The following RELN variants were observed in gnomAD, a reference collection of about 807,000 sequenced individuals.
RELN encodes reelin.
RELN carries 108 observed loss-of-function variants against 427.6 expected under a neutral mutation model. The observed-to-expected ratio is 0.25, with a 90% CI of 0.22 to 0.30. The LOEUF (loss-of-function observed/expected upper bound fraction) is 0.30, where lower values mean the gene tolerates loss of function less well. Ranked by LOEUF, RELN falls within the 10% of genes least tolerant of loss-of-function variation. The probability of loss-of-function intolerance (pLI) is 1.00; values close to 1 mark genes in which losing one functional copy is unlikely to be tolerated. For missense variants in RELN, 3,715 were observed against 4,302.8 expected, an observed-to-expected ratio of 0.86 and a Z score of 3.82; for synonymous variants, 1,524 against 1,513.4, an observed-to-expected ratio of 1.01 and a Z score of -0.16.
Position 103,553,653 on chromosome 7 carries a change from T to C in RELN, c.5969+7A>G. On this transcript the variant is annotated splice_region_variant and intron_variant, in intron 39 of 64. Transcript: ENST00000428762. ...AGTGGTTTTATTTTTAGATTCTTAA[T>C]ACTTACGGTGCCCCCTTTGAAGAAT... 6.2e-7 allele frequency: 1 copy of C among 1,613,938 alleles called. No homozygotes were observed. The highest frequency in any genetic ancestry group is 8.5e-7 in the Non-Finnish European group (1 of 1,179,862).
At chr7:103,936,978 C>T (rs1796001987) in intron 1 of RELN, among the ~76,000 whole-genome samples, 3 of 151,958 alleles carry the variant, frequency 2.0e-5, no homozygotes, top group Non-Finnish European at 4.4e-5. Flanking sequence ...AATTGGTTAC[C>T]ATGTTCACCT....
intron 20 of RELN, among the ~76,000 whole-genome samples, chr7:103,625,515 T>TAC (rs1832310150): frequency 6.6e-6 from 1 of 152,114 alleles, no homozygotes; most frequent in African/African-American, 2.4e-5. Context: ...ACCTTATATA[T>TAC]ACCAGTTTTC....
chr7:103,722,871 A>G (rs1016589568), intron 8 of RELN, among the ~76,000 whole-genome samples: 7 of 152,220 alleles, frequency 4.6e-5, no homozygotes, highest in Non-Finnish European at 1.5e-5. Context: ...AAGCCAATGT[A>G]TGCAAAATAC....
At chr7:103,622,942 C>G (rs969683827) in intron 20 of RELN, among the ~76,000 whole-genome samples, 2 of 152,142 alleles carry the variant, frequency 1.3e-5, no homozygotes, top group Non-Finnish European at 2.9e-5. Context: ...GTAAATCAAT[C>G]AATAAATAGC....
chr7:103,959,553 C>T (rs1452914981), intron 1 of RELN, among the ~76,000 whole-genome samples: 1 of 152,150 alleles, frequency 6.6e-6, no homozygotes, highest in Non-Finnish European at 1.5e-5. Context: ...AATGACAACT[C>T]CATTCCCCAA....
chr7:103,580,863 A>T (rs562029626), intron 28 of RELN, among the ~76,000 whole-genome samples: 1 of 152,128 alleles, frequency 6.6e-6, no homozygotes, highest in Non-Finnish European at 1.5e-5. Context: ...TCCTCATTGT[A>T]TCGTTGTAGC....
In RELN at chr7:103,690,724, A is replaced by C. The variant is rs138421214; in HGVS notation, c.1143+7129T>G. On this transcript the variant is annotated intron_variant, in intron 10 of 64. Coordinates refer to ENST00000428762, the MANE Select transcript of RELN (RefSeq NM_005045.4). ...TGCTTACTCTGGGAGATTACGAATGAGGGTGGGGCTCTGGGGAGCTTTTGA... is the reference window on the plus strand; with the variant it reads ...TGCTTACTCTGGGAGATTACGAATGCGGGTGGGGCTCTGGGGAGCTTTTGA... 2.4e-3 allele frequency among the ~76,000 whole-genome samples: 363 copies of C among 152,218 alleles called. 1 individual carries two copies. The highest frequency in any genetic ancestry group is 6.8e-3 in the Middle Eastern group (2 of 294).
In RELN at chr7:103,535,309, T is replaced by G. The variant is rs1241816665; in HGVS notation, c.7349+7A>C. 1.2e-6 allele frequency: 2 copies of G among 1,613,614 alleles called. No individual in the cohort carries two copies. Among genetic ancestry groups the G allele is most frequent in the Non-Finnish European group, 1.7e-6 (2 of 1,179,726 alleles). On this transcript the variant is annotated splice_region_variant and intron_variant, in intron 46 of 64. Transcript: ENST00000428762. ...AGCATGTGGTGAACATGTAGAAGCA[T>G]TCTTACCTGGTATAAGGAGGGAGAG...
Position 103,519,385 on chromosome 7 carries a change from G to A in RELN, c.7800C>T (p.Val2600=), listed in dbSNP as rs762528965. The A allele has an allele frequency of 3.1e-6, 5 of 1,613,898 alleles. No homozygotes were observed. In the East Asian group the frequency reaches 1.1e-4, roughly 36 times the overall value. ...RNQGVLLEYS[V]NGGITWNLLM... Reference sequence around the variant, plus strand: ...GCAGGTTCCAGGTAATGCCTCCATTGACAGAATATTCCAAGAGAACACCTT... The same window carrying A: ...GCAGGTTCCAGGTAATGCCTCCATTAACAGAATATTCCAAGAGAACACCTT... Residue 2600 remains valine, a synonymous_variant, in exon 49 of 65, where the codon GTC becomes GTT. Transcript: ENST00000428762.
At chr7:103,816,251 C>A (rs1792866824) in intron 3 of RELN, among the ~76,000 whole-genome samples, 2 of 152,112 alleles carry the variant, frequency 1.3e-5, no homozygotes, top group Admixed American at 6.6e-5. Flanking sequence ...TGCTGGCACA[C>A]ACCTGTAATC....
intron 2 of RELN, among the ~76,000 whole-genome samples, chr7:103,858,363 T>A (rs192067552): frequency 6.6e-6 from 1 of 152,326 alleles, no homozygotes; most frequent in East Asian, 1.9e-4. Flanking sequence ...AAGTGCCCAG[T>A]AAATGTTAGC....
At chr7:103,749,663 A>C (rs530787060) in intron 5 of RELN, among the ~76,000 whole-genome samples, 159 bp from the exon 6 acceptor site, 2 of 152,346 alleles carry the variant, frequency 1.3e-5, no homozygotes, top group Admixed American at 1.3e-4. Flanking sequence ...CAAACTACTA[A>C]GGGACAAGGG....
intron 18 of RELN, among the ~76,000 whole-genome samples, 174 bp downstream of exon 18, chr7:103,636,061 C>T (rs1450667256): frequency 6.6e-6 from 1 of 152,162 alleles, no homozygotes; most frequent in African/African-American, 2.4e-5. Flanking sequence ...GGTGAGCCTC[C>T]TAATTTACTA....
chr7:103,671,446 A>C (rs1039874955), intron 11 of RELN, among the ~76,000 whole-genome samples: 3 of 152,136 alleles, frequency 2.0e-5, no homozygotes, highest in African/African-American at 7.2e-5. Context: ...CAGCTTTCTC[A>C]TTAATAAGAC....
intron 6 of RELN, among the ~76,000 whole-genome samples, chr7:103,736,840 G>A (rs1220335879): frequency 1.3e-5 from 2 of 152,076 alleles, no homozygotes; most frequent in Non-Finnish European, 2.9e-5. Context: ...TTATTAGTTG[G>A]ACACCCCCTG....
At chr7:103,839,529 G>A (rs1440562102) in intron 2 of RELN, among the ~76,000 whole-genome samples, 1 of 152,036 alleles carries the variant, frequency 6.6e-6, no homozygotes, top group African/African-American at 2.4e-5. Context: ...AGAGAACATA[G>A]TCCTTGCCCT....
intron 63 of RELN, among the ~76,000 whole-genome samples, chr7:103,481,243 A>G (rs1045638516): frequency 6.6e-6 from 1 of 152,256 alleles, no homozygotes; most frequent in African/African-American, 2.4e-5. Flanking sequence ...AGGTAAGTGC[A>G]ATTGATTGTT....
Position 103,563,924 on chromosome 7 carries a change from T to C in RELN, c.5210+1354A>G, listed in dbSNP as rs191964056. Among the ~76,000 whole-genome samples the C allele has an allele frequency of 3.3e-5, 5 of 152,332 alleles. No individual in the cohort carries two copies. The highest frequency in any genetic ancestry group is 1.2e-4 in the African/African-American group (5 of 41,584). ...AATAGGCTATATCATACAGCATAGG[T>C]GTGTAATAGGCTAAACCATGAAGGT... On this transcript the variant is annotated intron_variant, in intron 34 of 64. Transcript: ENST00000428762. This position sits in a 1 kb window ranked among gnomAD's most constrained non-coding sequence, Gnocchi z 4.1.
chr7:103,577,301 T>G (rs539301947), intron 28 of RELN, among the ~76,000 whole-genome samples: 1 of 152,240 alleles, frequency 6.6e-6, no homozygotes, highest in South Asian at 2.1e-4. Context: ...TAACCTTGGC[T>G]TTTTTCCCCC....
Sources: allele counts gnomAD v4.1 joint callset (sites outside exome capture counted in the v4.1 genomes callset), GRCh38; gene constraint gnomAD v4.1.1; non-coding constraint Gnocchi (gnomAD v3.1); transcripts MANE v1.5; gene names NCBI Gene and HGNC (gene_info 2026-07-23, HGNC 2026-07-21).